Variants in GAS2 observed in about 807,000 individuals in gnomAD.
The protein encoded by GAS2 is growth arrest-specific protein 2.
GAS2 carries 20 observed loss-of-function variants against 37.5 expected under a neutral mutation model. The observed-to-expected ratio is 0.53, with a 90% CI of 0.37 to 0.77. The LOEUF (loss-of-function observed/expected upper bound fraction) is 0.77, where lower values mean the gene tolerates loss of function less well. Among genes scored for constraint, GAS2 ranks in the 30% least tolerant of loss-of-function variants. The pLI, the probability that GAS2 is intolerant of heterozygous loss-of-function variation, is 0.00. For synonymous variants in GAS2, 144 were observed against 132.2 expected (o/e 1.09, Z -0.61); for missense variants, 336 against 373.4 (o/e 0.90, Z 0.82).
intron 7 of GAS2, among the ~76,000 whole-genome samples, chr11:22,760,225 C>T (rs1446029703): frequency 6.6e-6 from 1 of 152,012 alleles, no homozygotes; most frequent in Non-Finnish European, 1.5e-5. Flanking sequence ...AGGTGATCCG[C>T]CTGCCTTGGC....
intron 7 of GAS2, among the ~76,000 whole-genome samples, chr11:22,789,635 T>C (rs1590133900): frequency 6.8e-6 from 1 of 146,190 alleles, no homozygotes; most frequent in Non-Finnish European, 1.5e-5. Context: ...CTAGTTTTTT[T>C]GTATTTTTTT....
chr11:22,694,589 A>G (rs1590650853), intron 3 of GAS2, among the ~76,000 whole-genome samples: 3 of 152,154 alleles, frequency 2.0e-5, no homozygotes, highest in African/African-American at 7.2e-5. Flanking sequence ...TTTTTTCTTG[A>G]AGTTCTAATT....
chr11:22,713,091 G>A lies in GAS2; in HGVS notation c.268-13201G>A, dbSNP rs146547590. On this transcript the variant is annotated intron_variant, in intron 3 of 7. Coordinates refer to ENST00000454584, the MANE Select transcript of GAS2 (RefSeq NM_001143830.3). The stretch of plus-strand genomic sequence containing the variant: ...AAAAAAAAAAAAAAAGAAAAGAAAA[G>A]AAAGGAAAAAAGAAATACAAAAAAC... Among the ~76,000 whole-genome samples the A allele has an allele frequency of 3.9e-4, 58 of 147,268 alleles. No homozygotes were observed. The East Asian group carries it at 0.011, about 29-fold the overall frequency.
intron 3 of GAS2, among the ~76,000 whole-genome samples, chr11:22,712,687 C>T (rs1398214558): frequency 6.6e-6 from 1 of 152,134 alleles, no homozygotes; most frequent in Non-Finnish European, 1.5e-5. Context: ...CAGCAATGGT[C>T]TAAACCAAGA....
chr11:22,636,806 T>G (rs984658185), intron 1 of GAS2, among the ~76,000 whole-genome samples: 1 of 150,288 alleles, frequency 6.7e-6, no homozygotes, highest in Non-Finnish European at 1.5e-5. Flanking sequence ...TCTCTCTTCC[T>G]CTTTATATAA....
intron 5 of GAS2, among the ~76,000 whole-genome samples, chr11:22,741,500 A>G (rs1227892265): frequency 6.6e-6 from 1 of 152,122 alleles, no homozygotes; most frequent in Non-Finnish European, 1.5e-5. Context: ...GTCATAATCA[A>G]TAATCAGTGG....
intron 4 of GAS2, among the ~76,000 whole-genome samples, chr11:22,733,382 TACTAAATA>T (rs1173178956): frequency 6.6e-6 from 1 of 151,734 alleles, no homozygotes; most frequent in East Asian, 1.9e-4. Flanking sequence ...CAAGTTCCCT[TACTAAATA>T]AAAGGCTAAA....
chr11:22,791,541 G>A (rs994432076), intron 7 of GAS2, among the ~76,000 whole-genome samples: 10 of 152,156 alleles, frequency 6.6e-5, no homozygotes, highest in African/African-American at 2.4e-4. Flanking sequence ...AAATCTGGAG[G>A]CCACTAATGT....
chr11:22,692,356 G>A (rs1056588818), intron 3 of GAS2, among the ~76,000 whole-genome samples: 5 of 152,100 alleles, frequency 3.3e-5, no homozygotes, highest in African/African-American at 4.8e-5. Flanking sequence ...GAGGACGTGC[G>A]CCCATGATAC....
intron 3 of GAS2, among the ~76,000 whole-genome samples, chr11:22,697,699 T>C (rs1342907561): frequency 3.3e-5 from 5 of 152,212 alleles, no homozygotes; most frequent in Admixed American, 6.5e-5. Flanking sequence ...TTATTCTCTT[T>C]GAAGCAATTG....
At chr11:22,682,003 G>T (rs1385004146) in intron 2 of GAS2, among the ~76,000 whole-genome samples, 1 of 151,840 alleles carries the variant, frequency 6.6e-6, no homozygotes, top group Non-Finnish European at 1.5e-5. Context: ...TGTTACACAT[G>T]AAGTTATTTT....
intron 3 of GAS2, among the ~76,000 whole-genome samples, chr11:22,691,812 AT>A (rs954921301): frequency 1.5e-4 from 23 of 152,086 alleles, no homozygotes; most frequent in Admixed American, 9.8e-4. Context: ...AAATACACTA[AT>A]TTTTTTATTT....
At chr11:22,660,464 T>G (rs754244846) in intron 1 of GAS2, among the ~76,000 whole-genome samples, 3 of 152,238 alleles carry the variant, frequency 2.0e-5, no homozygotes, top group Non-Finnish European at 4.4e-5. Flanking sequence ...TTACATGTAT[T>G]AACTTATATA....
intron 7 of GAS2, among the ~76,000 whole-genome samples, chr11:22,760,115 C>A (rs1319309037): frequency 6.7e-6 from 1 of 150,104 alleles, no homozygotes; most frequent in Non-Finnish European, 1.5e-5. Context: ...TACCATCACA[C>A]CCAACTAATT....
chr11:22,651,012 C>G (rs1022893673), intron 1 of GAS2, among the ~76,000 whole-genome samples: 1 of 152,130 alleles, frequency 6.6e-6, no homozygotes, highest in African/African-American at 2.4e-5. Flanking sequence ...TCTTCCTAGT[C>G]TTGTTGGTCT....
intron 1 of GAS2, among the ~76,000 whole-genome samples, chr11:22,651,174 A>G (rs933908971): frequency 6.6e-5 from 10 of 151,358 alleles, no homozygotes; most frequent in African/African-American, 2.4e-4. Context: ...TCCTTCACTT[A>G]TGAAGCTTAG....
intron 3 of GAS2, among the ~76,000 whole-genome samples, chr11:22,705,728 A>C (rs891635487): frequency 4.6e-5 from 7 of 152,204 alleles, no homozygotes; most frequent in Non-Finnish European, 1.0e-4. Flanking sequence ...GGATGCTCAC[A>C]TGCTTCATGC....
intron 4 of GAS2, among the ~76,000 whole-genome samples, chr11:22,737,425 T>A (rs1344679937): frequency 6.6e-6 from 1 of 152,148 alleles, no homozygotes; most frequent in Non-Finnish European, 1.5e-5. Context: ...GAATAAAACA[T>A]TTTTAGGGTG....
At chr11:22,671,627 T>A (rs10741944) in intron 1 of GAS2, among the ~76,000 whole-genome samples, 95,012 of 151,962 alleles carry the variant, frequency 0.63, 30,908 homozygotes, top group East Asian at 0.82. Context: ...CACTTTTGAA[T>A]GAATTCAAGA....
Sources: allele counts gnomAD v4.1 joint callset (sites outside exome capture counted in the v4.1 genomes callset), GRCh38; gene constraint gnomAD v4.1.1; transcripts MANE v1.5; gene names NCBI Gene and HGNC (gene_info 2026-07-23, HGNC 2026-07-21).